POFUT4: variants seen among roughly 807,000 people sequenced by gnomAD.
POFUT4 encodes the protein GDP-fucose protein O-fucosyltransferase 4.
chr10:73,775,963 T>G, the POFUT4 span: 1 of 423,152 alleles, frequency 2.4e-6, no homozygotes, highest in Non-Finnish European at 4.3e-6. Flanking sequence ...TCCAACAGAG[T>G]TTTTAAACTA....
At chr10:73,773,780 C>T in the POFUT4 span, 1 of 1,593,768 alleles carries the variant, frequency 6.3e-7, no homozygotes, top group Non-Finnish European at 8.6e-7. Flanking sequence ...CCACACCTGG[C>T]TTTGGCAATG....
the POFUT4 span, chr10:73,772,958 G>C: frequency 6.2e-7 from 1 of 1,605,726 alleles, no homozygotes; most frequent in Non-Finnish European, 8.5e-7. Context: ...CCGCGGCTAC[G>C]CGCCGCTGCT....
chr10:73,773,755 T>G, the POFUT4 span: 2 of 1,611,580 alleles, frequency 1.2e-6, no homozygotes, highest in East Asian at 4.5e-5. Context: ...CCCTCACACA[T>G]GGACTGCCCA....
the POFUT4 span, chr10:73,773,365 G>A: frequency 1.2e-6 from 2 of 1,614,172 alleles, no homozygotes; most frequent in South Asian, 1.1e-5. Flanking sequence ...AAACTGTGGC[G>A]TCCCATGCAC....
chr10:73,773,003 C>A, the POFUT4 span: 1 of 1,590,378 alleles, frequency 6.3e-7, no homozygotes, highest in Admixed American at 1.7e-5. Context: ...GCCAGCGGAC[C>A]GGGACCGCTA....
chr10:73,776,081 C>A, the POFUT4 span: 4 of 168,356 alleles, frequency 2.4e-5, no homozygotes, highest in Non-Finnish European at 3.9e-5. Context: ...CCTCATTATT[C>A]AGTACATTTC....
the POFUT4 span, chr10:73,772,348 C>T: frequency 2.0e-6 from 3 of 1,476,390 alleles, no homozygotes; most frequent in South Asian, 2.8e-5. Context: ...CGGCCGGCCC[C>T]ATTAGGGTGG....
At chr10:73,772,477 G>A in the POFUT4 span, 1 of 1,549,822 alleles carries the variant, frequency 6.5e-7, no homozygotes, top group South Asian at 1.2e-5. Flanking sequence ...CGGTTTTCCG[G>A]CCGCCCTCGG....
At chr10:73,772,777 G>A in the POFUT4 span, 2 of 1,609,758 alleles carry the variant, frequency 1.2e-6, no homozygotes, top group Admixed American at 3.3e-5. Context: ...TCCACGAGGA[G>A]TCGCCCCTCA....
At chr10:73,775,957 A>C in the POFUT4 span, 1 of 442,460 alleles carries the variant, frequency 2.3e-6, no homozygotes, top group Non-Finnish European at 4.1e-6. Context: ...TGCTGGTCCA[A>C]CAGAGTTTTT....
chr10:73,774,694 T>TCTCA, the POFUT4 span: 2,021 of 150,238 alleles, frequency 0.013, 32 homozygotes, highest in Non-Finnish European at 0.015. Flanking sequence ...TAAGACCCTG[T>TCTCA]CACACACACA....
At chr10:73,773,210 C>G in the POFUT4 span, 2 of 1,611,768 alleles carry the variant, frequency 1.2e-6, no homozygotes, top group South Asian at 2.2e-5. Context: ...ACGGGAAATG[C>G]CTGCAGAATC....
the POFUT4 span, chr10:73,772,809 G>A: frequency 6.2e-7 from 1 of 1,611,870 alleles, no homozygotes; most frequent in South Asian, 1.1e-5. Flanking sequence ...CTGAGCCACG[G>A]CCCGGGCATC....
the POFUT4 span, chr10:73,772,969 C>T: frequency 2.3e-4 from 368 of 1,604,206 alleles, 3 homozygotes; most frequent in South Asian, 3.1e-3. Flanking sequence ...CGCCGCTGCT[C>T]TATCTGCAGT....
the POFUT4 span, chr10:73,772,935 C>A: frequency 1.7e-5 from 27 of 1,608,216 alleles, no homozygotes; most frequent in Non-Finnish European, 1.4e-5. Flanking sequence ...ATGGAACGCG[C>A]GGAGTGGCGC....
At chr10:73,778,388 T>TC in the POFUT4 span, among the ~76,000 whole-genome samples, 1 of 88,438 alleles carries the variant, frequency 1.1e-5, no homozygotes, top group Non-Finnish European at 2.1e-5. Context: ...CGAAACTCCA[T>TC]CCCAAAAAAA....
At chr10:73,775,283 A>G in the POFUT4 span, 1 of 800,532 alleles carries the variant, frequency 1.2e-6, no homozygotes, top group Non-Finnish European at 2.0e-6. Flanking sequence ...AACCCCCTCC[A>G]CATTTGGGAG....
the POFUT4 span, chr10:73,775,448 T>C: frequency 6.2e-7 from 1 of 1,613,582 alleles, no homozygotes; most frequent in Non-Finnish European, 8.5e-7. Flanking sequence ...GACCACTGTA[T>C]CTGCTTAAGA....
the POFUT4 span, chr10:73,772,875 T>G: frequency 1.2e-6 from 2 of 1,612,224 alleles, no homozygotes; most frequent in South Asian, 2.2e-5. Context: ...CCGCTGTCGC[T>G]GCAGTGGCTG....
Sources: allele counts gnomAD v4.1 joint callset (sites outside exome capture counted in the v4.1 genomes callset), GRCh38; gene constraint gnomAD v4.1.1; transcripts MANE v1.5; gene names NCBI Gene and HGNC (gene_info 2026-07-23, HGNC 2026-07-21).